Variants in CST8 observed in about 807,000 individuals in gnomAD.
CST8 encodes the protein cystatin 8.
CST8 carries 20 observed loss-of-function variants against 11.8 expected under a neutral mutation model. The observed-to-expected ratio is 1.70, with a 90% confidence interval of 1.20 to 2.47. The LOEUF (loss-of-function observed/expected upper bound fraction) is 2.47, where lower values mean the gene tolerates loss of function less well. Among genes scored for constraint, CST8 ranks in the 30% most tolerant of loss-of-function variants. CST8 has a pLI of 0.00. For synonymous variants in CST8, 77 were observed against 63.1 expected (o/e 1.22, Z -1.05); for missense variants, 196 against 167.2 (o/e 1.17, Z -0.95).
chr20:23,499,842 T>G (rs75241964), downstream of CST8, among the ~76,000 whole-genome samples: 10 of 152,266 alleles, frequency 6.6e-5, no homozygotes, highest in East Asian at 1.9e-3. Context: ...TCAGTCTGTT[T>G]GTGTTGCGAT....
chr20:23,497,971 G>T (rs949847412), downstream of CST8, among the ~76,000 whole-genome samples: 1 of 151,990 alleles, frequency 6.6e-6, no homozygotes, highest in Admixed American at 6.6e-5. Context: ...CTGTTCATGG[G>T]TGTACATGTG....
chr20:23,495,927 G>C lies in CST8; in HGVS notation c.*13G>C, dbSNP rs780017021. 24 of 1,595,096 alleles carry C rather than the reference G, an allele frequency of 1.5e-5. No individual in the cohort carries two copies. The highest frequency in any genetic ancestry group is 1.8e-5 in the Non-Finnish European group (21 of 1,168,054). On this transcript the variant is annotated 3_prime_UTR_variant, in exon 4 of 4. Transcript: ENST00000246012. ...TGAAGATGCTTAATGGTGTTTTGAG[G>C]CATCCCTCCAACCTCTGTGACTACT...
downstream of CST8, among the ~76,000 whole-genome samples, chr20:23,497,725 C>T (rs1490382961): frequency 6.6e-6 from 1 of 152,184 alleles, no homozygotes; most frequent in African/African-American, 2.4e-5. Context: ...CAGGGGAACT[C>T]CCATTTATAA....
At chr20:23,502,586 G>A in the CST8 span, among the ~76,000 whole-genome samples, 5 of 152,328 alleles carry the variant, frequency 3.3e-5, no homozygotes, top group Middle Eastern at 3.4e-3. Flanking sequence ...TGGGGTCAGT[G>A]ATGATGCTTC....
At chr20:23,502,588 T>G in the CST8 span, among the ~76,000 whole-genome samples, 3,963 of 152,320 alleles carry the variant, frequency 0.026, 80 homozygotes, top group African/African-American at 0.054. Flanking sequence ...GGGTCAGTGA[T>G]GATGCTTCTG....
the CST8 span, among the ~76,000 whole-genome samples, chr20:23,504,919 T>G: frequency 6.6e-6 from 1 of 152,112 alleles, no homozygotes; most frequent in South Asian, 2.1e-4. Context: ...AAATGGAACC[T>G]GCAATCAGGA....
intron 3 of CST8, among the ~76,000 whole-genome samples, chr20:23,495,055 A>G (rs1419321407): frequency 1.3e-5 from 2 of 152,196 alleles, no homozygotes. Context: ...ATAAGTGAGA[A>G]CATGTGGTAT....
rs2073299 is a variant in CST8 at position 23,491,358 on chromosome 20, C to T, written c.-144+16C>T. On this transcript the variant is annotated intron_variant, in intron 1 of 3. Transcript: ENST00000246012. ...GCTCACAGGGGTAGGCATAGACACA[C>T]TGGGGCCGAAGGGGAGAGGAACTCT... 183,701 of 397,838 alleles carry T rather than the reference C, an allele frequency of 0.46. 43,669 individuals are homozygous for T. The highest frequency in any genetic ancestry group is 0.49 in the Non-Finnish European group (105,116 of 215,472). 24.6% of individuals were successfully genotyped at this position (397,838 alleles called of 1,614,324 possible). A position where few individuals can be genotyped will look rare whatever the true frequency, so the allele number is the denominator to read the frequency against.
chr20:23,503,875 T>C, the CST8 span, among the ~76,000 whole-genome samples: 1 of 152,088 alleles, frequency 6.6e-6, no homozygotes, highest in Admixed American at 6.5e-5. Flanking sequence ...GTGCCAGTCA[T>C]GGCGGGCGGG....
Position 23,491,613 on chromosome 20 carries a change from T to C in CST8, c.-55T>C. 1 of 1,423,092 alleles carries C rather than the reference T, an allele frequency of 7.0e-7. No individual in the cohort carries two copies. The highest frequency in any genetic ancestry group is 2.3e-5 in the East Asian group (1 of 43,914). The allele number at this position is 1,423,092 out of a possible 1,614,324, so 88.2% of individuals were successfully genotyped here. ...GCGGCCACCCCATCCTGCCCACAGC[T>C]CCAGCCCTGAGACGACGAGGAGGAG... On this transcript the variant is annotated 5_prime_UTR_variant, in exon 2 of 4. Transcript: ENST00000246012.
At chr20:23,498,337 T>C (rs1247270656), downstream of CST8, among the ~76,000 whole-genome samples, 1 of 152,112 alleles carries the variant, frequency 6.6e-6, no homozygotes, top group Non-Finnish European at 1.5e-5. Context: ...TTAAACATAG[T>C]GTTGGTTATG....
chr20:23,497,453 C>A (rs184466048), downstream of CST8, among the ~76,000 whole-genome samples: 72 of 152,326 alleles, frequency 4.7e-4, no homozygotes, highest in Non-Finnish European at 7.8e-4. Context: ...ATGGACAGGT[C>A]ATTTGGTCTG....
chr20:23,502,082 G>C, the CST8 span, among the ~76,000 whole-genome samples: 1 of 152,204 alleles, frequency 6.6e-6, no homozygotes, highest in Non-Finnish European at 1.5e-5. Context: ...CAAGGTGACA[G>C]AACCTCAGGG....
At chr20:23,491,920 G>A (rs757656239) in intron 2 of CST8, 22 bp downstream of exon 2, 18 of 1,583,908 alleles carry the variant, frequency 1.1e-5, no homozygotes, top group Admixed American at 1.7e-5. Flanking sequence ...TTTCCATATA[G>A]GTGGACATTT....
chr20:23,495,199 T>A (rs989428306), intron 3 of CST8, among the ~76,000 whole-genome samples: 1 of 152,192 alleles, frequency 6.6e-6, no homozygotes, highest in Non-Finnish European at 1.5e-5. Flanking sequence ...ATTGTTTTTT[T>A]AATCTAGTCC....
At chr20:23,501,097 G>A in the CST8 span, among the ~76,000 whole-genome samples, 1 of 152,240 alleles carries the variant, frequency 6.6e-6, no homozygotes, top group African/African-American at 2.4e-5. Flanking sequence ...TTGTCCAAGG[G>A]AGATGCCAGT....
At chr20:23,500,022 A>AACAGAGAGG (rs1423610714), downstream of CST8, among the ~76,000 whole-genome samples, 2 of 150,816 alleles carry the variant, frequency 1.3e-5, no homozygotes, top group African/African-American at 4.9e-5. Context: ...GAGAGAGAGA[A>AACAGAGAGG]ACAGAGAGGA....
intron 3 of CST8, among the ~76,000 whole-genome samples, chr20:23,494,073 C>T (rs1479307870): frequency 6.6e-6 from 1 of 152,184 alleles, no homozygotes; most frequent in East Asian, 1.9e-4. Flanking sequence ...AAAACTGCCT[C>T]TGTATGCTCA....
downstream of CST8, among the ~76,000 whole-genome samples, chr20:23,500,365 C>T (rs73901888): frequency 0.03 from 4,578 of 152,148 alleles, 240 homozygotes; most frequent in African/African-American, 0.11. Context: ...GGAAGGAGCC[C>T]GGTGTGCTCT....
Sources: gnomAD v4.1 joint callset for allele counts (sites outside exome capture counted in the v4.1 genomes callset) on GRCh38, gnomAD v4.1.1 for gene constraint, MANE v1.5 for transcripts, NCBI Gene and HGNC (gene_info 2026-07-23, HGNC 2026-07-21) for gene names.